The following ACOXL variants were observed in gnomAD, a reference collection of about 807,000 sequenced individuals.
ACOXL encodes the protein acyl-CoA oxidase like.
Under a neutral mutation model 71.9 loss-of-function variants are expected in ACOXL, and 70 were observed. The observed-to-expected ratio is 0.97, with a 90% CI of 0.80 to 1.19. The LOEUF (loss-of-function observed/expected upper bound fraction) is 1.19. ACOXL is among the 50% of genes most tolerant of loss of function. ACOXL has a pLI of 0.00. For missense variants in ACOXL, 703 were observed against 736.3 expected (o/e 0.95, Z 0.52); for synonymous variants, 253 against 281.6 (o/e 0.90, Z 1.02).
Position 111,013,522 on chromosome 2 carries a change from C to CAAAA in ACOXL, c.1281+17538_1281+17541dup, listed in dbSNP as rs56905916. Reference sequence around the variant, plus strand: ...TGGGTGACAGAGGGAGACCCTGTCTCAAAAAAAAAAAAAAAAAAAAAAAGA... The same window carrying CAAAA: ...TGGGTGACAGAGGGAGACCCTGTCTCAAAAAAAAAAAAAAAAAAAAAAAAAAAGA... On this transcript the variant is annotated intron_variant, in intron 14 of 17. Coordinates refer to ENST00000439055, the MANE Select transcript of ACOXL (RefSeq NM_001142807.4). Among the ~76,000 whole-genome samples the CAAAA allele has an allele frequency of 2.0e-3, 189 of 95,398 alleles. 1 individual carries two copies. Among genetic ancestry groups the CAAAA allele is most frequent in the South Asian group, 8.3e-3 (22 of 2,662 alleles). 62.6% of individuals were successfully genotyped at this position (95,398 alleles called of 152,430 possible).
intron 10 of ACOXL, among the ~76,000 whole-genome samples, chr2:110,856,437 C>CCCCAAAACACAT (rs1693255450): frequency 6.6e-6 from 1 of 152,110 alleles, no homozygotes; most frequent in Non-Finnish European, 1.5e-5. Context: ...ACACAAGAGT[C>CCCCAAAACACAT]GTGATGCTGG....
At chr2:110,984,803 T>A (rs2062855576) in intron 12 of ACOXL, among the ~76,000 whole-genome samples, 1 of 152,246 alleles carries the variant, frequency 6.6e-6, no homozygotes, top group South Asian at 2.1e-4. Flanking sequence ...AGGAAGGGAA[T>A]GTACTTATTC....
chr2:110,980,804 C>A (rs773373735), intron 12 of ACOXL, among the ~76,000 whole-genome samples: 5 of 152,210 alleles, frequency 3.3e-5, no homozygotes, highest in Non-Finnish European at 5.9e-5. Flanking sequence ...GTCTCTAAAG[C>A]CGCTCTGCCC....
At chr2:110,869,024 A>G (rs1344248386) in intron 10 of ACOXL, among the ~76,000 whole-genome samples, 1 of 152,184 alleles carries the variant, frequency 6.6e-6, no homozygotes, top group Non-Finnish European at 1.5e-5. Flanking sequence ...GGTGGTTGCC[A>G]TGGTCCAGAT....
intron 3 of ACOXL, among the ~76,000 whole-genome samples, chr2:110,788,120 G>A (rs1384796505): frequency 6.6e-6 from 1 of 152,168 alleles, no homozygotes; most frequent in Non-Finnish European, 1.5e-5. Flanking sequence ...ATACAGCCCA[G>A]CATTCCACTA....
intron 10 of ACOXL, among the ~76,000 whole-genome samples, chr2:110,905,003 C>T (rs573451161): frequency 2.6e-5 from 4 of 152,188 alleles, no homozygotes; most frequent in African/African-American, 9.6e-5. Flanking sequence ...TTAGCTGGCC[C>T]TGGGAGCCCC....
At chr2:110,877,503 G>C (rs118085394) in intron 10 of ACOXL, among the ~76,000 whole-genome samples, 4 of 151,962 alleles carry the variant, frequency 2.6e-5, no homozygotes, top group Non-Finnish European at 5.9e-5. Flanking sequence ...GGTTTTGTTC[G>C]GTTGTTTTTT....
At chr2:110,876,529 A>T (rs942654815) in intron 10 of ACOXL, among the ~76,000 whole-genome samples, 1 of 152,000 alleles carries the variant, frequency 6.6e-6, no homozygotes, top group Non-Finnish European at 1.5e-5. Context: ...ATTGCATCAC[A>T]CTGTGTGCAG....
chr2:111,023,681 C>T (rs1266382802), intron 14 of ACOXL, among the ~76,000 whole-genome samples: 1 of 152,098 alleles, frequency 6.6e-6, no homozygotes, highest in African/African-American at 2.4e-5. Flanking sequence ...CTGAGCCCCT[C>T]AGCGTGGCTG....
At chr2:110,810,348 G>A (rs1357337733) in intron 9 of ACOXL, among the ~76,000 whole-genome samples, 1 of 152,270 alleles carries the variant, frequency 6.6e-6, no homozygotes, top group Middle Eastern at 3.4e-3. Flanking sequence ...GGCAGGGATT[G>A]TGTTTTTTTA....
chr2:110,945,312 T>G (rs1574231609), intron 12 of ACOXL, among the ~76,000 whole-genome samples: 1 of 152,324 alleles, frequency 6.6e-6, no homozygotes, highest in East Asian at 1.9e-4. Flanking sequence ...TGTTGATAGT[T>G]TCTTTTGCTG....
chr2:111,033,051 C>T (rs1489392036), intron 15 of ACOXL, among the ~76,000 whole-genome samples: 1 of 152,134 alleles, frequency 6.6e-6, no homozygotes, highest in Non-Finnish European at 1.5e-5. Context: ...TCTCATGGGA[C>T]GGGAAGCAGG....
intron 10 of ACOXL, among the ~76,000 whole-genome samples, chr2:110,907,520 C>G (rs867938670): frequency 6.6e-6 from 1 of 151,884 alleles, no homozygotes; most frequent in Non-Finnish European, 1.5e-5. Context: ...TTTGGAGCCA[C>G]GAGCCTGCTG....
intron 12 of ACOXL, among the ~76,000 whole-genome samples, chr2:110,951,305 C>T (rs972609175): frequency 2.0e-5 from 3 of 152,232 alleles, no homozygotes; most frequent in Middle Eastern, 3.2e-3. Context: ...TTATAATCAA[C>T]AACCTAGTTA....
At chr2:110,770,900 C>T (rs1328045505) in intron 2 of ACOXL, among the ~76,000 whole-genome samples, 3 of 152,212 alleles carry the variant, frequency 2.0e-5, no homozygotes, top group African/African-American at 4.8e-5. Context: ...TGCAGCCCGA[C>T]CCGCTGAGTC....
chr2:111,009,004 C>T (rs1339001188), intron 14 of ACOXL, among the ~76,000 whole-genome samples: 1 of 152,116 alleles, frequency 6.6e-6, no homozygotes, highest in Non-Finnish European at 1.5e-5. Context: ...AGCCTTTTGT[C>T]ATATTGAAAA....
chr2:110,873,128 G>A (rs1008591775), intron 10 of ACOXL, among the ~76,000 whole-genome samples: 2 of 152,208 alleles, frequency 1.3e-5, no homozygotes, highest in Non-Finnish European at 2.9e-5. Context: ...TCCCTGAAGA[G>A]GGTGACAAAA....
At chr2:110,759,961 T>C (rs111284861) in intron 1 of ACOXL, among the ~76,000 whole-genome samples, 8 of 152,020 alleles carry the variant, frequency 5.3e-5, no homozygotes, top group African/African-American at 1.9e-4. Flanking sequence ...TTTATTACTT[T>C]TGCAAGTGGG....
chr2:110,912,646 A>AGTTT (rs2059687605), intron 11 of ACOXL, among the ~76,000 whole-genome samples: 1 of 152,102 alleles, frequency 6.6e-6, no homozygotes, highest in Non-Finnish European at 1.5e-5. Flanking sequence ...AAAACAATAA[A>AGTTT]TCTCTTAGAG....
Sources: gnomAD v4.1 joint callset for allele counts (sites outside exome capture counted in the v4.1 genomes callset) on GRCh38, gnomAD v4.1.1 for gene constraint, MANE v1.5 for transcripts, NCBI Gene and HGNC (gene_info 2026-07-23, HGNC 2026-07-21) for gene names.